TNIP1: variants seen among roughly 807,000 people sequenced by gnomAD.
TNIP1 encodes TNFAIP3 interacting protein 1, also known as TNFAIP3-interacting protein 1.
In TNIP1, 22 loss-of-function variants were observed where a neutral mutation model predicts 86.6. The ratio of observed to expected loss-of-function variants is 0.25; its 90% CI spans 0.18 to 0.36. The LOEUF is 0.36. Among genes scored for constraint, TNIP1 ranks in the 10% least tolerant of loss-of-function variants. The probability of loss-of-function intolerance (pLI) is 1.00; values close to 1 mark genes in which losing one functional copy is unlikely to be tolerated. For missense variants in TNIP1, 709 were observed against 820.6 expected (o/e 0.86, Z 1.66); for synonymous variants, 294 against 313.0 (o/e 0.94, Z 0.64).
At chr5:151,059,828 A>AGAGAGAGTGTGTGT (rs1554076446) in intron 5 of TNIP1, among the ~76,000 whole-genome samples, 8 of 56,402 alleles carry the variant, frequency 1.4e-4, no homozygotes, top group Admixed American at 4.2e-4. Flanking sequence ...AGAGAGAGAG[A>AGAGAGAGTGTGTGT]GTGTGTGTGT....
rs559602910 is a variant in TNIP1 at position 151,030,593 on chromosome 5, C to A, written c.*120G>T. 6.5e-7 allele frequency: 1 copy of A among 1,538,678 alleles called. No homozygotes were observed. The highest frequency in any genetic ancestry group is 8.9e-7 in the Non-Finnish European group (1 of 1,127,462). On this transcript the variant is annotated 3_prime_UTR_variant, in exon 18 of 18. Coordinates refer to ENST00000521591, the MANE Select transcript of TNIP1 (RefSeq NM_006058.5). ...ACTGGTGTACAAGCTGGCCACCCAT[C>A]TCAGCCTCTCATCCAGCTGAGGCTC...
chr5:151,083,048 G>A (rs1764140245), upstream of TNIP1, among the ~76,000 whole-genome samples: 1 of 152,180 alleles, frequency 6.6e-6, no homozygotes, highest in Non-Finnish European at 1.5e-5. Context: ...CCAGTCCTGT[G>A]TGCTTGGTCC....
At chr5:151,050,858 G>C (rs1035167157) in intron 7 of TNIP1, among the ~76,000 whole-genome samples, 1 of 151,960 alleles carries the variant, frequency 6.6e-6, no homozygotes, top group Admixed American at 6.6e-5. Flanking sequence ...TGTTGGGGCT[G>C]GGGGAGGGGT....
chr5:151,044,196 C>T (rs2113439317), intron 9 of TNIP1, among the ~76,000 whole-genome samples: 2 of 152,104 alleles, frequency 1.3e-5, no homozygotes, highest in Middle Eastern at 6.8e-3. Context: ...CAGGTGTGTA[C>T]TACCACACCC....
At chr5:151,068,666 G>T (rs1165988973) in intron 1 of TNIP1, among the ~76,000 whole-genome samples, 1 of 152,212 alleles carries the variant, frequency 6.6e-6, no homozygotes, top group Non-Finnish European at 1.5e-5. Context: ...AAGGCCCTGA[G>T]CAGGGAAGGC....
At chr5:151,068,364 C>G (rs1024290652) in intron 1 of TNIP1, among the ~76,000 whole-genome samples, 2 of 152,178 alleles carry the variant, frequency 1.3e-5, no homozygotes, top group African/African-American at 4.8e-5. Flanking sequence ...AGGACTCATT[C>G]TCAGGATGAC....
rs117213328 is a variant in TNIP1 at position 151,036,051 on chromosome 5, T to C, written c.1396-344A>G. ...CCAGAGTGTGGTGTAGACCAGAGTT[T>C]GGATCTGCTGGTTCTGAGGGCAGAG... On this transcript the variant is annotated intron_variant, in intron 13 of 17. Transcript: ENST00000521591. 1.2e-3 allele frequency among the ~76,000 whole-genome samples: 186 copies of C among 152,306 alleles called. 1 individual carries two copies. The East Asian group carries it at 0.026, about 21-fold the overall frequency.
At chr5:151,071,377 C>T (rs570000993) in intron 1 of TNIP1, among the ~76,000 whole-genome samples, 1 of 152,194 alleles carries the variant, frequency 6.6e-6, no homozygotes, top group South Asian at 2.1e-4. Flanking sequence ...CTAGGGCGAA[C>T]ATCTTAACCC....
intron 8 of TNIP1, among the ~76,000 whole-genome samples, chr5:151,047,703 G>A (rs1393001040): frequency 6.6e-6 from 1 of 151,230 alleles, no homozygotes; most frequent in African/African-American, 2.4e-5. Flanking sequence ...AGGTTTAAAG[G>A]TTAAAAAAAA....
chr5:151,063,391 G>C, intron 3 of TNIP1, among the ~76,000 whole-genome samples: 1 of 152,204 alleles, frequency 6.6e-6, no homozygotes, highest in Admixed American at 6.5e-5. Context: ...GGGGCCTCAG[G>C]AGTGCTGAGT....
intron 12 of TNIP1, 148 bp from the exon 13 acceptor site, chr5:151,037,069 T>C: frequency 1.0e-6 from 1 of 968,632 alleles, no homozygotes; most frequent in Non-Finnish European, 1.5e-6. Flanking sequence ...TGCTGCCCTA[T>C]TTATTTGCAT....
intron 1 of TNIP1, among the ~76,000 whole-genome samples, chr5:151,068,568 T>C (rs1478235317): frequency 6.6e-6 from 1 of 152,166 alleles, no homozygotes; most frequent in East Asian, 1.9e-4. Flanking sequence ...CTCCCCTCCA[T>C]GTGGCAGTAT....
At chr5:151,072,382 G>A (rs1009636075) in intron 1 of TNIP1, among the ~76,000 whole-genome samples, 1 of 152,194 alleles carries the variant, frequency 6.6e-6, no homozygotes, top group Non-Finnish European at 1.5e-5. Flanking sequence ...AGGGAGCTCA[G>A]AGGACATTCC....
Position 151,048,225 on chromosome 5 carries a change from C to T in TNIP1, c.846+1599G>A, listed in dbSNP as rs148910371. Among the ~76,000 whole-genome samples, 949 of 152,266 alleles carry T rather than the reference C, an allele frequency of 6.2e-3. 5 individuals are homozygous for T. Among genetic ancestry groups the T allele is most frequent in the Non-Finnish European group, 8.2e-3 (561 of 68,016 alleles). ...GGATTCCAGGCTCTAGGGTGGTGCACCCTGAACCTCCGCGAGGGAGAGAGG... is the reference window on the plus strand; with the variant it reads ...GGATTCCAGGCTCTAGGGTGGTGCATCCTGAACCTCCGCGAGGGAGAGAGG... On this transcript the variant is annotated intron_variant, in intron 8 of 17. Transcript: ENST00000521591.
In TNIP1 at chr5:151,049,852, C is replaced by A. The variant is rs1759673837; in HGVS notation, c.818G>T (p.Gly273Val). Residue 273 changes from glycine to valine, a missense_variant, in exon 8 of 18, where the codon GGC (glycine) becomes GTC (valine). Physicochemically the swap from Gly to Val is moderately radical, Grantham distance 109 (BLOSUM62 -3). Coordinates refer to ENST00000521591, the MANE Select transcript of TNIP1 (RefSeq NM_006058.5). ...RPGSPKMEGTGKKAVAGQQQA... is the reference protein window; with the variant it reads ...RPGSPKMEGTVKKAVAGQQQA... Reference sequence around the variant, plus strand: ...CTGCTGTCCAGCCACTGCCTTCTTGCCTGTCCCTTCCATCTTCGGTGAGCC... The same window carrying A: ...CTGCTGTCCAGCCACTGCCTTCTTGACTGTCCCTTCCATCTTCGGTGAGCC... The A allele has an allele frequency of 6.2e-7, 1 of 1,614,190 alleles. No homozygotes were observed. The highest frequency in any genetic ancestry group is 2.2e-5 in the East Asian group (1 of 44,892).
intron 12 of TNIP1, 134 bp downstream of exon 12, chr5:151,038,963 G>T: frequency 8.0e-7 from 1 of 1,250,202 alleles, no homozygotes; most frequent in Non-Finnish European, 1.1e-6. Flanking sequence ...CAGAGCAGGC[G>T]GGAAACAGGA....
At chr5:151,045,742 T>C in intron 9 of TNIP1, 119 bp downstream of exon 9, 1 of 965,436 alleles carries the variant, frequency 1.0e-6, no homozygotes. Flanking sequence ...GTGGTCACCA[T>C]GCCAACTCCT....
intron 4 of TNIP1, among the ~76,000 whole-genome samples, chr5:151,061,442 T>C (rs1222606198): frequency 6.6e-6 from 1 of 152,070 alleles, no homozygotes; most frequent in Non-Finnish European, 1.5e-5. Context: ...CAATCCCTTG[T>C]AGGATACCAA....
chr5:151,059,491 C>G (rs1344335019), intron 5 of TNIP1, among the ~76,000 whole-genome samples: 1 of 152,146 alleles, frequency 6.6e-6, no homozygotes, highest in Non-Finnish European at 1.5e-5. Context: ...TCAGCCAAAC[C>G]TTTGTGAAGG....
Sources: allele counts gnomAD v4.1 joint callset (sites outside exome capture counted in the v4.1 genomes callset), GRCh38; gene constraint gnomAD v4.1.1; transcripts MANE v1.5; gene names NCBI Gene and HGNC (gene_info 2026-07-23, HGNC 2026-07-21).